The following FMO1 variants were observed in gnomAD, a reference collection of about 807,000 sequenced individuals.
The protein encoded by FMO1 is flavin containing dimethylaniline monoxygenase 1.
FMO1 carries 36 observed loss-of-function variants against 45.4 expected under a neutral mutation model. The ratio of observed to expected loss-of-function variants is 0.79; its 90% confidence interval spans 0.61 to 1.05. FMO1 has a LOEUF of 1.05. FMO1 is among the 50% of genes least tolerant of loss of function. FMO1 has a pLI of 0.00. For missense variants in FMO1, 615 were observed against 640.3 expected, an observed-to-expected ratio of 0.96 and a Z score of 0.43; for synonymous variants, 228 against 227.2, an observed-to-expected ratio of 1.00 and a Z score of -0.03.
chr1:171,267,712 T>C lies in FMO1; in HGVS notation c.302T>C (p.Leu101Pro). ...ATGTATGCAAACCACTTTGACCTTC[T>C]GAAACACATTCAATTCAAGGTAAGA... ...LKMYANHFDL[L>P]KHIQFKTKVC... The change falls in exon 3 of 9, where the codon CTG becomes CCG. Residue 101 changes from leucine to proline, a missense_variant. Physicochemically the swap from Leu to Pro is moderately conservative, Grantham distance 98. Transcript: ENST00000617670. 6.2e-7 allele frequency: 1 copy of C among 1,610,198 alleles called. No individual in the cohort carries two copies.
At chr1:171,276,251 G>T (rs1661102863) in intron 4 of FMO1, among the ~76,000 whole-genome samples, 1 of 152,208 alleles carries the variant, frequency 6.6e-6, no homozygotes, top group Admixed American at 6.5e-5. Flanking sequence ...AAATTTAGGA[G>T]CATGCTATGG....
At chr1:171,284,124 T>C (rs1256686863) in intron 8 of FMO1, among the ~76,000 whole-genome samples, 1 of 151,666 alleles carries the variant, frequency 6.6e-6, no homozygotes, top group Non-Finnish European at 1.5e-5. Flanking sequence ...TATCTGTTCA[T>C]CTGTTTCTGC....
At chr1:171,249,629 A>G (rs1659791649) in intron 1 of FMO1, among the ~76,000 whole-genome samples, 1 of 152,096 alleles carries the variant, frequency 6.6e-6, no homozygotes, top group African/African-American at 2.4e-5. Flanking sequence ...ATAGGGTATC[A>G]TTGTGCAGTC....
At chr1:171,283,808 T>C (rs1223656214) in intron 8 of FMO1, among the ~76,000 whole-genome samples, 1 of 152,216 alleles carries the variant, frequency 6.6e-6, no homozygotes, top group Non-Finnish European at 1.5e-5. Context: ...GGTTATTCAT[T>C]TACATATTGT....
chr1:171,271,062 G>C (rs1364426103), intron 3 of FMO1: 4 of 996,390 alleles, frequency 4.0e-6, no homozygotes, highest in Non-Finnish European at 6.2e-6. Flanking sequence ...TTTCAGCCTT[G>C]ATAAATCCCT....
At chr1:171,272,187 AC>A (rs934033004) in intron 3 of FMO1, among the ~76,000 whole-genome samples, 47 of 152,308 alleles carry the variant, frequency 3.1e-4, no homozygotes, top group African/African-American at 1.1e-3. Flanking sequence ...GAGGGTGCAA[AC>A]CCCAAGACCT....
At chr1:171,258,352 T>G in intron 2 of FMO1, 133 bp downstream of exon 2, 1 of 1,025,826 alleles carries the variant, frequency 9.7e-7, no homozygotes, top group Non-Finnish European at 1.4e-6. Context: ...CAGGGGACCA[T>G]GAGGAGCCAC....
intron 5 of FMO1, among the ~76,000 whole-genome samples, chr1:171,280,084 T>C (rs1661290943): frequency 6.6e-6 from 1 of 152,220 alleles, no homozygotes; most frequent in Admixed American, 6.5e-5. Flanking sequence ...TCATCATATA[T>C]AGTTTCTTTT....
chr1:171,265,404 T>G (rs182105354), intron 2 of FMO1, among the ~76,000 whole-genome samples: 1,340 of 86,492 alleles, frequency 0.015, 10 homozygotes, highest in South Asian at 0.024. Context: ...AAAAGAAAAA[T>G]AAAAAAGAAA....
At chr1:171,263,863 G>C (rs553088899) in intron 2 of FMO1, among the ~76,000 whole-genome samples, 2 of 152,146 alleles carry the variant, frequency 1.3e-5, no homozygotes, top group Non-Finnish European at 2.9e-5. Context: ...ATTGCACAGT[G>C]AGGCGAACAC....
intron 8 of FMO1, 132 bp from the exon 9 acceptor site, chr1:171,285,070 G>A (rs16864339): frequency 0.1 from 60,338 of 577,108 alleles, 4,012 homozygotes; most frequent in East Asian, 0.24. Context: ...GATAGGTAGG[G>A]AAATAAAGGG....
intron 2 of FMO1, among the ~76,000 whole-genome samples, chr1:171,262,189 C>T (rs1289033717): frequency 6.6e-6 from 1 of 152,022 alleles, no homozygotes; most frequent in Non-Finnish European, 1.5e-5. Flanking sequence ...AATCCCAGCA[C>T]TTTGGAAGGC....
At chr1:171,269,972 G>T (rs530640605) in intron 3 of FMO1, among the ~76,000 whole-genome samples, 58 of 152,296 alleles carry the variant, frequency 3.8e-4, no homozygotes, top group Middle Eastern at 3.4e-3. Flanking sequence ...TCTATAGCCA[G>T]CATTTTCATA....
rs780333618 is a variant in FMO1 at position 171,282,063 on chromosome 1, G to T, written c.913G>T (p.Glu305Ter). The T allele has an allele frequency of 3.1e-6, 5 of 1,613,730 alleles. No individual in the cohort carries two copies. Among genetic ancestry groups the T allele is most frequent in the Non-Finnish European group, 4.2e-6 (5 of 1,179,878 alleles). The stretch of plus-strand genomic sequence containing the variant: ...AGTGTTCATCAGGCCAAGCATAAAA[G>T]AGGTAAAGGAAAACTCTGTCATATT... ...GKVFIRPSIK[E>*]VKENSVIFNN... is the part of the protein sequence containing the mutation. The change falls in exon 7 of 9, where the codon GAG becomes TAG. Residue 305 changes from glutamate (E) to a stop codon, truncating the protein, a stop_gained. Coordinates refer to ENST00000617670, the MANE Select transcript of FMO1 (RefSeq NM_001282693.2). LOFTEE classifies it high-confidence loss of function.
chr1:171,253,262 A>G (rs1408908603), intron 1 of FMO1, among the ~76,000 whole-genome samples: 1 of 152,118 alleles, frequency 6.6e-6, no homozygotes, highest in Non-Finnish European at 1.5e-5. Flanking sequence ...AGTTTACCCC[A>G]TGGCTCTGAT....
intron 1 of FMO1, among the ~76,000 whole-genome samples, chr1:171,255,351 G>A (rs1198797358): frequency 6.6e-6 from 1 of 152,216 alleles, no homozygotes; most frequent in Non-Finnish European, 1.5e-5. Flanking sequence ...CAGGTGCTTA[G>A]ATTAAGAGAC....
chr1:171,273,704 A>G (rs775109612), intron 3 of FMO1, among the ~76,000 whole-genome samples: 7 of 151,964 alleles, frequency 4.6e-5, no homozygotes, highest in Non-Finnish European at 8.8e-5. Context: ...TTTAGTAGAG[A>G]TAAGGTCTCA....
At chr1:171,257,968 A>T in intron 1 of FMO1, 114 bp from the exon 2 acceptor site, 1 of 1,221,698 alleles carries the variant, frequency 8.2e-7, no homozygotes, top group Non-Finnish European at 1.2e-6. Flanking sequence ...GCTACAGAAG[A>T]TTCAAACTGA....
intron 1 of FMO1, among the ~76,000 whole-genome samples, chr1:171,255,996 G>A (rs777601659): frequency 5.3e-5 from 8 of 152,070 alleles, no homozygotes; most frequent in South Asian, 2.1e-4. Context: ...GCATTTGGCC[G>A]GGCACAGTGG....
Sources: allele counts gnomAD v4.1 joint callset (sites outside exome capture counted in the v4.1 genomes callset), GRCh38; gene constraint gnomAD v4.1.1; transcripts MANE v1.5; gene names NCBI Gene and HGNC (gene_info 2026-07-23, HGNC 2026-07-21).